Variants in DCUN1D4 observed in about 807,000 individuals in gnomAD.
The protein encoded by DCUN1D4 is DCN1-like protein 4.
DCUN1D4 carries 22 observed loss-of-function variants against 47.9 expected under a neutral mutation model. The ratio of observed to expected loss-of-function variants is 0.46; its 90% CI spans 0.33 to 0.66. DCUN1D4 has a LOEUF of 0.66. DCUN1D4 is among the 30% of genes least tolerant of loss of function. DCUN1D4 has a pLI of 0.02. For synonymous variants in DCUN1D4, 121 were observed against 112.2 expected, an observed-to-expected ratio of 1.08 and a Z score of -0.50; for missense variants, 301 against 340.8, an observed-to-expected ratio of 0.88 and a Z score of 0.92.
At position 51,887,078 on chromosome 4, in the gene DCUN1D4, TC is replaced by T. The variant is rs759254067; in HGVS notation, c.414+442del. The T allele has an allele frequency of 2.4e-5, 11 of 451,580 alleles. 1 individual carries two copies. Among genetic ancestry groups the T allele is most frequent in the South Asian group, 1.6e-4 (10 of 63,242 alleles). The allele number at this position is 451,580 out of a possible 1,614,324, so 28.0% of individuals were successfully genotyped here. ...AAGAATTTTTCATAGATCGTTTACT[TC>T]CAATTGAATTTAGCTCAGAAGTGAT... On this transcript the variant is annotated intron_variant, in intron 6 of 10. Transcript: ENST00000334635.
chr4:51,863,141 ATCTT>A (rs1253128745), intron 1 of DCUN1D4, among the ~76,000 whole-genome samples: 2 of 152,210 alleles, frequency 1.3e-5, no homozygotes, highest in African/African-American at 2.4e-5. Flanking sequence ...TTTGAGACTT[ATCTT>A]TCTATTAAGT....
upstream of DCUN1D4, among the ~76,000 whole-genome samples, chr4:51,838,847 G>A (rs537548716): frequency 2.0e-5 from 3 of 152,278 alleles, no homozygotes; most frequent in East Asian, 5.8e-4. Flanking sequence ...AACTGAGGCG[G>A]GCAGATCACC....
At chr4:51,889,211 A>T (rs1730038661) in intron 6 of DCUN1D4, among the ~76,000 whole-genome samples, 3 of 152,232 alleles carry the variant, frequency 2.0e-5, no homozygotes, top group Admixed American at 1.3e-4. Context: ...TATCACTAAG[A>T]AAAAATGTGC....
At chr4:51,853,012 C>T (rs574867080) in intron 1 of DCUN1D4, among the ~76,000 whole-genome samples, 1 of 152,286 alleles carries the variant, frequency 6.6e-6, no homozygotes, top group East Asian at 1.9e-4. Context: ...ATCATTTGTG[C>T]TCACCTTCAG....
chr4:51,869,123 C>CAAAA (rs531280197), intron 3 of DCUN1D4, among the ~76,000 whole-genome samples: 746 of 38,522 alleles, frequency 0.019, 89 homozygotes, highest in African/African-American at 0.037. Context: ...GACTCCATCT[C>CAAAA]AAAAAAAAAA....
At chr4:51,906,955 G>A (rs557108236) in intron 8 of DCUN1D4, among the ~76,000 whole-genome samples, 3 of 152,160 alleles carry the variant, frequency 2.0e-5, no homozygotes, top group Admixed American at 6.5e-5. Flanking sequence ...TATAAATTGG[G>A]GATTATAGTA....
At chr4:51,906,384 G>A (rs1292988899) in intron 8 of DCUN1D4, among the ~76,000 whole-genome samples, 1 of 152,230 alleles carries the variant, frequency 6.6e-6, no homozygotes, top group Non-Finnish European at 1.5e-5. Context: ...GCTAGGTCTT[G>A]TGTTCAACAA....
upstream of DCUN1D4, chr4:51,843,137 C>CCGG: frequency 6.7e-7 from 1 of 1,499,310 alleles, no homozygotes; most frequent in Non-Finnish European, 8.9e-7. Context: ...CTGGGAGTGC[C>CCGG]CGGCGGCGGG....
chr4:51,908,539 T>C (rs1459287735), intron 8 of DCUN1D4, among the ~76,000 whole-genome samples: 1 of 152,164 alleles, frequency 6.6e-6, no homozygotes, highest in Non-Finnish European at 1.5e-5. Flanking sequence ...CGTATAATTT[T>C]AATTTCTTAC....
chr4:51,861,379 T>C (rs1337892992), intron 1 of DCUN1D4, among the ~76,000 whole-genome samples: 1 of 152,098 alleles, frequency 6.6e-6, no homozygotes, highest in Non-Finnish European at 1.5e-5. Context: ...GTTTGGAGTA[T>C]GAGTTGGGCC....
intron 1 of DCUN1D4, chr4:51,844,499 T>G (rs1314213967): frequency 6.8e-6 from 5 of 738,058 alleles, no homozygotes; most frequent in Non-Finnish European, 8.3e-6. Flanking sequence ...CGGGCCCTGA[T>G]GGCCGGGTCG....
rs759902568 is a variant in DCUN1D4 at position 51,863,505 on chromosome 4, C to G, written c.94C>G (p.Leu32Val). The change falls in exon 2 of 11, where the codon CTG becomes GTG. Residue 32 changes from leucine (L) to valine (V), a missense_variant and splice_region_variant. By Grantham distance (32) the Leu-to-Val change is conservative. This residue lies in a region of DCUN1D4 where 131 missense variants were observed against 106.3 expected (regional missense o/e 1.23). Coordinates refer to ENST00000334635, the MANE Select transcript of DCUN1D4 (RefSeq NM_001040402.3). ...TAAGATCTACCACACCCTTAATAAG[C>G]TGGTAAGTCATTCTTTTAAAGACAA... ...IHKIYHTLNK[L>V]NLTEDIGQDD... 6.2e-7 allele frequency: 1 copy of G among 1,610,086 alleles called. No individual in the cohort carries two copies. Among genetic ancestry groups the G allele is most frequent in the Admixed American group, 1.7e-5 (1 of 59,740 alleles).
At chr4:51,869,010 C>T (rs1016294590) in intron 3 of DCUN1D4, among the ~76,000 whole-genome samples, 2 of 150,188 alleles carry the variant, frequency 1.3e-5, no homozygotes, top group African/African-American at 2.5e-5. Flanking sequence ...CTCAGCTACT[C>T]GGGAGGCTGA....
intron 1 of DCUN1D4, chr4:51,843,876 T>TG (rs1722035595): frequency 3.1e-6 from 1 of 322,998 alleles, no homozygotes; most frequent in African/African-American, 4.3e-5. Context: ...GGCGGGCGAC[T>TG]GGACGAGGGC....
chr4:51,842,724 A>ACTGCG (rs1560440271), upstream of DCUN1D4, among the ~76,000 whole-genome samples: 2 of 151,912 alleles, frequency 1.3e-5, no homozygotes, highest in Non-Finnish European at 2.9e-5. Context: ...GCCGCCCCCA[A>ACTGCG]CTGCGCTGCG....
At chr4:51,843,474 G>A (rs1346689141) in intron 1 of DCUN1D4, 4 of 1,254,582 alleles carry the variant, frequency 3.2e-6, no homozygotes, top group Admixed American at 4.2e-5. Context: ...GGAAGGGACC[G>A]GCCTGCGGGG....
the DCUN1D4 span, among the ~76,000 whole-genome samples, chr4:51,835,174 C>G: frequency 6.6e-6 from 1 of 152,318 alleles, no homozygotes; most frequent in Admixed American, 6.5e-5. Flanking sequence ...ATCAAAGAGG[C>G]AACATAGCAC....
chr4:51,886,653 C>G lies in DCUN1D4; in HGVS notation c.414+15C>G. 6.2e-7 allele frequency: 1 copy of G among 1,608,848 alleles called. No homozygotes were observed. The highest frequency in any genetic ancestry group is 1.7e-4 in the Middle Eastern group (1 of 6,046). ...AACCAGAAAACGTGAGTCAAACTTACTGAGTTGGGTGAATCAGTTGGTTGT... is the reference window on the plus strand; with the variant it reads ...AACCAGAAAACGTGAGTCAAACTTAGTGAGTTGGGTGAATCAGTTGGTTGT... On this transcript the variant is annotated intron_variant, in intron 6 of 10. Coordinates refer to ENST00000334635, the MANE Select transcript of DCUN1D4 (RefSeq NM_001040402.3).
intron 3 of DCUN1D4, among the ~76,000 whole-genome samples, chr4:51,870,043 T>C (rs1422104241): frequency 6.6e-6 from 1 of 152,192 alleles, no homozygotes; most frequent in Non-Finnish European, 1.5e-5. Context: ...AGGATTGATT[T>C]CCGATTCACT....
Sources: gnomAD v4.1 joint callset for allele counts (sites outside exome capture counted in the v4.1 genomes callset) on GRCh38, gnomAD v4.1.1 for gene constraint, gnomAD v4.1.1 regional missense constraint, MANE v1.5 for transcripts, NCBI Gene and HGNC (gene_info 2026-07-23, HGNC 2026-07-21) for gene names.